The following ANKRD2 variants were observed in gnomAD, a reference collection of about 807,000 sequenced individuals.
ANKRD2 encodes ankyrin repeat domain 2.
In ANKRD2, 35 loss-of-function variants were observed where a neutral mutation model predicts 37.3. The ratio of observed to expected loss-of-function variants is 0.94; its 90% CI spans 0.72 to 1.24. The LOEUF (loss-of-function observed/expected upper bound fraction) is 1.24. Among genes scored for constraint, ANKRD2 ranks in the 50% most tolerant of loss-of-function variants. The pLI is 0.00. For missense variants in ANKRD2, 410 were observed against 445.6 expected (o/e 0.92, Z 0.72); for synonymous variants, 159 against 186.5 (o/e 0.85, Z 1.20).
At chr10:97,582,986 G>C (rs2040922138) in intron 8 of ANKRD2, among the ~76,000 whole-genome samples, 1 of 152,176 alleles carries the variant, frequency 6.6e-6, no homozygotes, top group South Asian at 2.1e-4. Flanking sequence ...TCAAGTACTG[G>C]CCCAAGGAGG....
chr10:97,577,160 G>A (rs972494107), intron 1 of ANKRD2, among the ~76,000 whole-genome samples: 1 of 151,578 alleles, frequency 6.6e-6, no homozygotes, highest in South Asian at 2.1e-4. Flanking sequence ...AAGCCACTAC[G>A]CTTGGCTAAT....
At chr10:97,582,778 G>T (rs2040918247) in intron 8 of ANKRD2, 76 bp downstream of exon 8, 3 of 1,344,444 alleles carry the variant, frequency 2.2e-6, no homozygotes, top group Non-Finnish European at 2.1e-6. Flanking sequence ...GGTCCCTGGA[G>T]CAGCCCCCGC....
chr10:97,577,805 C>G lies in ANKRD2; in HGVS notation c.93C>G (p.Leu31=). The G allele has an allele frequency of 1.3e-6, 2 of 1,559,870 alleles. No homozygotes were observed. The highest frequency in any genetic ancestry group is 1.7e-6 in the Non-Finnish European group (2 of 1,151,612). The part of the protein sequence containing the change: ...RLAQEEENEK[L]RGDARQKLPM... ...TGCCCTCTTTGGATCACCAGAAACT[C>G]CGAGGAGACGCACGCCAGAAGCTGC... Residue 31 remains leucine, a synonymous_variant, in exon 2 of 9, where the codon CTC becomes CTG. Transcript: ENST00000370655.
At position 97,583,757 on chromosome 10, in the gene ANKRD2, C is replaced by T. The variant is rs745622512; in HGVS notation, c.*32C>T. On this transcript the variant is annotated 3_prime_UTR_variant, in exon 9 of 9. Coordinates refer to ENST00000370655, the MANE Select transcript of ANKRD2 (RefSeq NM_001346793.2). ...GCCCCAGCCCAGCCAGCTACCCAGCCCCTCTCTGTGTGCAGCCGGAGGGTC... is the reference window on the plus strand; with the variant it reads ...GCCCCAGCCCAGCCAGCTACCCAGCTCCTCTCTGTGTGCAGCCGGAGGGTC... 6.8e-7 allele frequency: 1 copy of T among 1,478,386 alleles called. No individual in the cohort carries two copies. The highest frequency in any genetic ancestry group is 1.4e-5 in the South Asian group (1 of 70,510). The allele number at this position is 1,478,386 out of a possible 1,614,324, so 91.6% of individuals were successfully genotyped here.
At position 97,577,970 on chromosome 10, in the gene ANKRD2, C is replaced by G; in HGVS notation, c.189+69C>G. ...AGGTAGCCATGGCCTGTCTGCACCT[C>G]TCCCCACGTGGCCCATGGACCAGCA... is the stretch of plus-strand genomic sequence containing the variant. On this transcript the variant is annotated intron_variant, in intron 2 of 8. Coordinates refer to ENST00000370655, the MANE Select transcript of ANKRD2 (RefSeq NM_001346793.2). 7.7e-6 allele frequency: 11 copies of G among 1,426,354 alleles called. No homozygotes were observed. The South Asian group carries it at 1.5e-4, about 19-fold the overall frequency. 88.4% of individuals were successfully genotyped at this position (1,426,354 alleles called of 1,614,324 possible).
Position 97,581,418 on chromosome 10 carries a change from AG to A in ANKRD2, c.654+6del. ...AGACACCAATGTGAGGGATAAGGTGAGGCAAAAACACTCAGAAGCAACAGAT... is the reference window on the plus strand; with the variant it reads ...AGACACCAATGTGAGGGATAAGGTGAGCAAAAACACTCAGAAGCAACAGAT... On this transcript the variant is annotated splice_donor_5th_base_variant and intron_variant, in intron 6 of 8. Coordinates refer to ENST00000370655, the MANE Select transcript of ANKRD2 (RefSeq NM_001346793.2). 6.2e-7 allele frequency: 1 copy of A among 1,614,000 alleles called. No individual in the cohort carries two copies. The highest frequency in any genetic ancestry group is 8.5e-7 in the Non-Finnish European group (1 of 1,179,900).
chr10:97,581,221 C>G, intron 5 of ANKRD2, 95 bp from the exon 6 acceptor site: 2 of 1,294,282 alleles, frequency 1.5e-6, no homozygotes, highest in Non-Finnish European at 2.2e-6. Context: ...GTACCTTTCC[C>G]CTAGATATCC....
In ANKRD2 at chr10:97,578,389, C is replaced by T. The variant is rs148585391; in HGVS notation, c.339C>T (p.Pro113=). The T allele has an allele frequency of 7.4e-6, 12 of 1,613,528 alleles. No individual in the cohort carries two copies. The highest frequency in any genetic ancestry group is 9.3e-6 in the Non-Finnish European group (11 of 1,179,864). Residue 113 remains proline, a synonymous_variant, in exon 3 of 9, where the codon CCC becomes CCT. Coordinates refer to ENST00000370655, the MANE Select transcript of ANKRD2 (RefSeq NM_001346793.2). ...CCTCGCATGAGCCGCCCCCAGAGCC[C>T]GAGGAGATCGTAAGGGTCCTGGGGA... is the stretch of plus-strand genomic sequence containing the variant. The part of the protein sequence containing the change: ...LAASHEPPPE[P]EEITGPVDEE...
chr10:97,581,504 G>C, intron 6 of ANKRD2, 90 bp downstream of exon 6: 1 of 1,293,180 alleles, frequency 7.7e-7, no homozygotes, highest in East Asian at 2.3e-5. Flanking sequence ...TAGGGGGCAG[G>C]AAGGTAGTGA....
At chr10:97,582,248 C>T in intron 6 of ANKRD2, 67 bp from the exon 7 acceptor site, 1 of 1,386,484 alleles carries the variant, frequency 7.2e-7, no homozygotes, top group Non-Finnish European at 1.0e-6. Flanking sequence ...TAGGACAGCC[C>T]CCGCCTTCCC....
chr10:97,575,444 A>C (rs2040815461), intron 1 of ANKRD2, among the ~76,000 whole-genome samples: 10 of 152,272 alleles, frequency 6.6e-5, no homozygotes, highest in Admixed American at 5.9e-4. Context: ...GTCACTAAGC[A>C]CCTACTATGT....
intron 4 of ANKRD2, 67 bp downstream of exon 4, chr10:97,578,672 G>C: frequency 7.9e-7 from 1 of 1,270,984 alleles, no homozygotes; most frequent in South Asian, 1.4e-5. Context: ...TTCGGCTCCT[G>C]GGTCAGCCCA....
upstream of ANKRD2, chr10:97,572,664 G>A (rs2040772480): frequency 6.4e-7 from 1 of 1,567,720 alleles, no homozygotes; most frequent in Admixed American, 1.8e-5. Flanking sequence ...CGAGGTGAAG[G>A]TGACAGGTGG....
At chr10:97,576,952 C>G (rs1256389289) in intron 1 of ANKRD2, among the ~76,000 whole-genome samples, 1 of 152,046 alleles carries the variant, frequency 6.6e-6, no homozygotes, top group East Asian at 1.9e-4. Flanking sequence ...CCTGCCTCGG[C>G]CTCCCAAAGT....
intron 1 of ANKRD2, among the ~76,000 whole-genome samples, chr10:97,576,549 A>G (rs1286149274): frequency 6.6e-6 from 1 of 152,192 alleles, no homozygotes; most frequent in Non-Finnish European, 1.5e-5. Flanking sequence ...GAGAGAAAAA[A>G]AAAATAGTAT....
chr10:97,581,471 A>G, intron 6 of ANKRD2, 57 bp downstream of exon 6: 2 of 1,550,256 alleles, frequency 1.3e-6, no homozygotes, highest in East Asian at 2.2e-5. Flanking sequence ...GGAGAAAGGC[A>G]GGGGTCCAAG....
chr10:97,582,187 C>G (rs1408511321), intron 6 of ANKRD2, 128 bp from the exon 7 acceptor site: 1 of 731,400 alleles, frequency 1.4e-6, no homozygotes, highest in African/African-American at 1.8e-5. Context: ...CTCTGCCCCT[C>G]CAAGGCTCAG....
upstream of ANKRD2, chr10:97,572,566 A>G (rs978036000): frequency 5.7e-6 from 6 of 1,044,744 alleles, no homozygotes; most frequent in African/African-American, 6.4e-5. Flanking sequence ...CTTGGGACAC[A>G]GTGCCCTCCG....
At chr10:97,572,896 G>C (rs1261595596) in intron 1 of ANKRD2, 21 bp downstream of exon 1, 1 of 1,548,612 alleles carries the variant, frequency 6.5e-7, no homozygotes, top group Non-Finnish European at 8.7e-7. Flanking sequence ...GGGTGGAGGT[G>C]CCCAAGGGGG....
Sources: allele counts gnomAD v4.1 joint callset (sites outside exome capture counted in the v4.1 genomes callset), GRCh38; gene constraint gnomAD v4.1.1; transcripts MANE v1.5; gene names NCBI Gene and HGNC (gene_info 2026-07-23, HGNC 2026-07-21).